The following ARID5B variants were observed in gnomAD, a reference collection of about 807,000 sequenced individuals.
ARID5B encodes AT-rich interaction domain 5B, also known as AT-rich interactive domain-containing protein 5B.
A neutral mutation model predicts 97.2 loss-of-function variants in ARID5B; 13 were observed. The ratio of observed to expected loss-of-function variants is 0.13; its 90% CI spans 0.09 to 0.21. The LOEUF is 0.21. ARID5B is among the 10% of genes least tolerant of loss of function. The pLI is 1.00. For synonymous variants in ARID5B, 556 were observed against 570.3 expected (o/e 0.97, Z 0.36); for missense variants, 1,210 against 1,465.3 (o/e 0.83, Z 2.84).
At chr10:62,048,835 G>A (rs1839746486) in intron 4 of ARID5B, among the ~76,000 whole-genome samples, 1 of 152,210 alleles carries the variant, frequency 6.6e-6, no homozygotes, top group Non-Finnish European at 1.5e-5. Context: ...CAAAATGCTA[G>A]GAAGGGAAGA....
chr10:62,090,915 C>T lies in ARID5B; in HGVS notation c.1452C>T (p.Ile484=). ...AGACTTTAATAAGCCAGAAAAGCAT[C>T]CCTGAGCCTCTCCCAGCAGCAGACA... is the stretch of plus-strand genomic sequence containing the variant. ...EQETLISQKS[I]PEPLPAADMK... is the part of the protein sequence containing the mutation. Residue 484 remains isoleucine, a synonymous_variant, in exon 10 of 10, where the codon ATC becomes ATT. Coordinates refer to ENST00000279873, the MANE Select transcript of ARID5B (RefSeq NM_032199.3). 1 of 1,612,094 alleles carries T rather than the reference C, an allele frequency of 6.2e-7. No homozygotes were observed. Among genetic ancestry groups the T allele is most frequent in the South Asian group, 1.1e-5 (1 of 90,726 alleles).
intron 4 of ARID5B, among the ~76,000 whole-genome samples, chr10:62,034,566 G>T (rs1839537863): frequency 6.6e-6 from 1 of 152,180 alleles, no homozygotes; most frequent in Non-Finnish European, 1.5e-5. Flanking sequence ...GTGTTTCCCT[G>T]GTGATTGCAA....
At chr10:62,033,298 C>T (rs138760236) in intron 4 of ARID5B, among the ~76,000 whole-genome samples, 44 of 152,272 alleles carry the variant, frequency 2.9e-4, no homozygotes, top group South Asian at 2.5e-3. Flanking sequence ...CACTCTCTCG[C>T]GTGCACTGTC....
intron 4 of ARID5B, among the ~76,000 whole-genome samples, chr10:62,035,411 A>AAGGGAGAG (rs143080324): frequency 0.081 from 12,380 of 152,262 alleles, 685 homozygotes; most frequent in Admixed American, 0.2. Flanking sequence ...AGACTGTGGT[A>AAGGGAGAG]AGGTACACTA....
intron 4 of ARID5B, among the ~76,000 whole-genome samples, chr10:62,039,205 C>T (rs1471396637): frequency 6.6e-6 from 1 of 152,196 alleles, no homozygotes; most frequent in Non-Finnish European, 1.5e-5. Flanking sequence ...ATATCAGAAA[C>T]ATACCAGAGG....
chr10:61,997,569 C>T (rs771606071), intron 3 of ARID5B, among the ~76,000 whole-genome samples: 1 of 152,108 alleles, frequency 6.6e-6, no homozygotes, highest in Non-Finnish European at 1.5e-5. Context: ...CACCTTTACC[C>T]CTATCATAGA....
At position 61,918,284 on chromosome 10, in the gene ARID5B, G is replaced by A. The variant is rs140728122; in HGVS notation, c.276+15871G>A. Among the ~76,000 whole-genome samples, 58 of 152,334 alleles carry A rather than the reference G, an allele frequency of 3.8e-4. 2 individuals carry two copies. The East Asian group carries it at 0.01, about 27-fold the overall frequency. On this transcript the variant is annotated intron_variant, in intron 2 of 9. Coordinates refer to ENST00000279873, the MANE Select transcript of ARID5B (RefSeq NM_032199.3). The stretch of plus-strand genomic sequence containing the variant: ...ATTTACTCTGCCAGTTAGTAGCTGT[G>A]TGTCATCTTGACCAACTTGCTTAAT...
At chr10:62,018,596 C>A (rs1304896921) in intron 4 of ARID5B, among the ~76,000 whole-genome samples, 1 of 109,362 alleles carries the variant, frequency 9.1e-6, no homozygotes, top group Admixed American at 9.1e-5. Context: ...TTTTTTTTTT[C>A]AAACCTGCCC....
At chr10:61,993,383 C>T (rs779121762) in intron 3 of ARID5B, among the ~76,000 whole-genome samples, 2 of 152,172 alleles carry the variant, frequency 1.3e-5, no homozygotes, top group Non-Finnish European at 2.9e-5. Flanking sequence ...GCTATTTAGT[C>T]ATATGCTCTG....
At chr10:62,039,756 C>CT (rs1202087919) in intron 4 of ARID5B, among the ~76,000 whole-genome samples, 2 of 152,184 alleles carry the variant, frequency 1.3e-5, no homozygotes. Context: ...GAGTTCAAAC[C>CT]TTTTTGTTCT....
At chr10:61,979,719 A>G (rs1838750981) in intron 3 of ARID5B, among the ~76,000 whole-genome samples, 2 of 152,228 alleles carry the variant, frequency 1.3e-5, no homozygotes, top group South Asian at 4.1e-4. Flanking sequence ...ATTAGGGCCC[A>G]TAGTACTTTT....
At chr10:61,911,400 A>G (rs957535975) in intron 2 of ARID5B, among the ~76,000 whole-genome samples, 3 of 152,172 alleles carry the variant, frequency 2.0e-5, no homozygotes, top group African/African-American at 7.2e-5. Context: ...TTTTTTATTA[A>G]TAGTCAAAAA....
At chr10:61,972,554 A>T (rs1192066912) in intron 3 of ARID5B, among the ~76,000 whole-genome samples, 2 of 152,108 alleles carry the variant, frequency 1.3e-5, no homozygotes, top group African/African-American at 4.8e-5. Context: ...AAAACACTTA[A>T]TATGCTCTTT....
At chr10:62,089,135 C>G (rs561786504) in intron 9 of ARID5B, among the ~76,000 whole-genome samples, 7 of 152,214 alleles carry the variant, frequency 4.6e-5, no homozygotes, top group Non-Finnish European at 8.8e-5. Flanking sequence ...TGCCTTTTTC[C>G]CTTGCCATAC....
At chr10:62,035,401 A>G (rs1421612135) in intron 4 of ARID5B, among the ~76,000 whole-genome samples, 2 of 150,054 alleles carry the variant, frequency 1.3e-5, no homozygotes, top group Admixed American at 6.9e-5. Context: ...TAATCTCTTT[A>G]GACTGTGGTA....
At chr10:61,926,926 A>G (rs529183410) in intron 2 of ARID5B, among the ~76,000 whole-genome samples, 1 of 152,266 alleles carries the variant, frequency 6.6e-6, no homozygotes, top group Admixed American at 6.5e-5. Context: ...GCCTGGCCTC[A>G]AGCCTATTAT....
chr10:61,992,753 G>A (rs1346339208), intron 3 of ARID5B, among the ~76,000 whole-genome samples: 1 of 152,006 alleles, frequency 6.6e-6, no homozygotes, highest in Non-Finnish European at 1.5e-5. Context: ...GTTCTGTTAT[G>A]TTAAAAGTAC....
At chr10:61,954,754 C>T (rs1251103143) in intron 3 of ARID5B, among the ~76,000 whole-genome samples, 1 of 152,156 alleles carries the variant, frequency 6.6e-6, no homozygotes, top group Non-Finnish European at 1.5e-5. Flanking sequence ...TGAGCAGTGG[C>T]CTGTAATCCC....
intron 3 of ARID5B, among the ~76,000 whole-genome samples, chr10:61,978,678 T>G (rs1394606225): frequency 6.6e-6 from 1 of 152,210 alleles, no homozygotes; most frequent in Non-Finnish European, 1.5e-5. Flanking sequence ...TATTGGTATA[T>G]AAGAATGCTT....
Sources: allele counts gnomAD v4.1 joint callset (sites outside exome capture counted in the v4.1 genomes callset), GRCh38; gene constraint gnomAD v4.1.1; transcripts MANE v1.5; gene names NCBI Gene and HGNC (gene_info 2026-07-23, HGNC 2026-07-21).